CPED1: variants seen among roughly 807,000 people sequenced by gnomAD.
CPED1 encodes the protein cadherin-like and PC-esterase domain-containing protein 1.
In CPED1, 114 loss-of-function variants were observed where a neutral mutation model predicts 128.2. The ratio of observed to expected loss-of-function variants is 0.89; its 90% CI spans 0.76 to 1.04. The LOEUF is 1.04. Ranked by LOEUF, CPED1 falls within the 50% of genes least tolerant of loss-of-function variation. CPED1 has a pLI of 0.00. For missense variants in CPED1, 1,211 were observed against 1,207.1 expected (o/e 1.00, Z -0.05); for synonymous variants, 462 against 426.7 (o/e 1.08, Z -1.02).
chr7:121,137,121 G>A (rs1435949051), intron 14 of CPED1, among the ~76,000 whole-genome samples: 11 of 151,448 alleles, frequency 7.3e-5, no homozygotes, highest in Admixed American at 7.2e-4. Context: ...ATCAATTTCA[G>A]TAAAACAGTA....
intron 5 of CPED1, among the ~76,000 whole-genome samples, chr7:121,068,913 G>A (rs1793923282): frequency 6.6e-6 from 1 of 152,106 alleles, no homozygotes; most frequent in Non-Finnish European, 1.5e-5. Context: ...TTGGCTCTCT[G>A]TTTGTCTGTT....
chr7:121,248,303 G>A (rs984523765), intron 18 of CPED1, among the ~76,000 whole-genome samples: 14 of 152,234 alleles, frequency 9.2e-5, no homozygotes, highest in South Asian at 4.1e-4. Flanking sequence ...TCTCCTTGCC[G>A]GAGCCTCTGT....
chr7:121,196,612 TG>T (rs1797278536), intron 16 of CPED1, among the ~76,000 whole-genome samples: 1 of 152,072 alleles, frequency 6.6e-6, no homozygotes, highest in South Asian at 2.1e-4. Flanking sequence ...AATAGGAGTC[TG>T]GGGACATGTA....
rs1395030548 is a variant in CPED1, at chr7:121,071,620, A to C, written c.616+7307A>C. ...GGCCTTAAATTCCTGGGTTCAAATG[A>C]TCCTTCTGCCTCCACCTCCCAAGGG... On this transcript the variant is annotated intron_variant, in intron 5 of 22. Coordinates refer to ENST00000310396, the MANE Select transcript of CPED1 (RefSeq NM_024913.5). Among the ~76,000 whole-genome samples, 3 of 151,936 alleles carry C rather than the reference A, an allele frequency of 2.0e-5. No homozygotes were observed. The East Asian group carries it at 5.8e-4, about 29-fold the overall frequency.
intron 13 of CPED1, among the ~76,000 whole-genome samples, chr7:121,134,463 A>T (rs1584537618): frequency 6.6e-6 from 1 of 152,114 alleles, no homozygotes; most frequent in East Asian, 1.9e-4. Context: ...GGAGGGTAGG[A>T]AGGGAAGGAG....
Position 120,989,511 on chromosome 7 carries a change from G to C in CPED1, c.-111G>C. 1 of 1,406,932 alleles carries C rather than the reference G, an allele frequency of 7.1e-7. No individual in the cohort carries two copies. The highest frequency in any genetic ancestry group is 1.4e-5 in the South Asian group (1 of 73,694). 87.2% of individuals were successfully genotyped at this position (1,406,932 alleles called of 1,614,324 possible). The stretch of plus-strand genomic sequence containing the variant: ...TCTTAAGCAGGGATGAAGCAAACTT[G>C]ATTGGAGTTGGGGAAAAAGAAGACA... On this transcript the variant is annotated 5_prime_UTR_variant, in exon 2 of 23. It removes the in-frame stop codon of an upstream open reading frame in the 5' UTR. Transcript: ENST00000310396.
At chr7:121,227,422 A>C (rs1049155183) in intron 16 of CPED1, among the ~76,000 whole-genome samples, 9 of 152,106 alleles carry the variant, frequency 5.9e-5, no homozygotes, top group African/African-American at 2.2e-4. Flanking sequence ...TTTATACCAA[A>C]AACAGCCTTG....
intron 22 of CPED1, among the ~76,000 whole-genome samples, chr7:121,292,937 C>T (rs1483307550): frequency 1.3e-5 from 2 of 152,148 alleles, no homozygotes; most frequent in Non-Finnish European, 2.9e-5. Context: ...CAGAGCTCTC[C>T]TGTATGAGGT....
At chr7:121,148,309 G>A (rs1796073076) in intron 16 of CPED1, among the ~76,000 whole-genome samples, 1 of 152,192 alleles carries the variant, frequency 6.6e-6, no homozygotes, top group Admixed American at 6.5e-5. Flanking sequence ...CAGCAAAGCA[G>A]CAGCCGAGGT....
intron 7 of CPED1, among the ~76,000 whole-genome samples, chr7:121,122,466 A>T (rs1465480005): frequency 6.6e-6 from 1 of 152,066 alleles, no homozygotes; most frequent in Non-Finnish European, 1.5e-5. Context: ...ATAGAAAATA[A>T]AAGGAGCTGA....
At chr7:121,213,314 T>C (rs1277242627) in intron 16 of CPED1, among the ~76,000 whole-genome samples, 1 of 152,030 alleles carries the variant, frequency 6.6e-6, no homozygotes, top group Non-Finnish European at 1.5e-5. Context: ...TCCAAACCTT[T>C]GTTTCCTCAT....
intron 3 of CPED1, among the ~76,000 whole-genome samples, chr7:121,025,974 G>T (rs980096962): frequency 1.3e-5 from 2 of 152,100 alleles, no homozygotes; most frequent in Non-Finnish European, 2.9e-5. Flanking sequence ...TATCATTCTT[G>T]CCTGACATGT....
rs1030223751 is a variant in CPED1, at chr7:121,241,347, CAAAAAAAAAAAAAAAAAAAAAAAAA to C, written c.2174-2841_2174-2817del. ...TGGGCGACAGAGCGAGACTCCGTCT[CAAAAAAAAAAAAAAAAAAAAAAAAA>C]AAAAAAAAAAAAAGAAATTATAAAA... On this transcript the variant is annotated intron_variant, in intron 17 of 22. Transcript: ENST00000310396. Among the ~76,000 whole-genome samples, 4 of 5,556 alleles carry C rather than the reference CAAAAAAAAAAAAAAAAAAAAAAAAA, an allele frequency of 7.2e-4. 1 individual carries two copies. The highest frequency in any genetic ancestry group is 5.7e-4 in the Non-Finnish European group (1 of 1,752). 3.6% of individuals were successfully genotyped at this position (5,556 alleles called of 152,430 possible). A position where few individuals can be genotyped will look rare whatever the true frequency, so the allele number is the denominator to read the frequency against.
At chr7:121,129,392 G>A (rs1429701209) in intron 11 of CPED1, among the ~76,000 whole-genome samples, 1 of 146,908 alleles carries the variant, frequency 6.8e-6, no homozygotes, top group Non-Finnish European at 1.5e-5. Flanking sequence ...AACTTACTAA[G>A]TTAATTAATG....
At chr7:120,996,289 A>T (rs1796403765) in intron 2 of CPED1, among the ~76,000 whole-genome samples, 1 of 152,152 alleles carries the variant, frequency 6.6e-6, no homozygotes, top group African/African-American at 2.4e-5. Context: ...GTCTCAAAAA[A>T]AAAAGAAAAG....
chr7:121,011,228 A>AT (rs1320518702), intron 2 of CPED1, among the ~76,000 whole-genome samples: 1 of 151,996 alleles, frequency 6.6e-6, no homozygotes, highest in Non-Finnish European at 1.5e-5. Flanking sequence ...AACAAGTTTT[A>AT]TTTTTCAGCC....
intron 4 of CPED1, 76 bp from the exon 5 acceptor site, chr7:121,064,162 G>A: frequency 5.1e-6 from 5 of 971,248 alleles, no homozygotes; most frequent in East Asian, 2.4e-5. Context: ...TACTCTCTGG[G>A]TTTTTTGTGT....
intron 16 of CPED1, among the ~76,000 whole-genome samples, chr7:121,166,637 G>T (rs1002148758): frequency 1.3e-5 from 2 of 151,934 alleles, no homozygotes; most frequent in Admixed American, 6.6e-5. Flanking sequence ...AGTTCCCAAA[G>T]GATATTTATC....
intron 16 of CPED1, among the ~76,000 whole-genome samples, chr7:121,227,986 T>C (rs1798054034): frequency 6.6e-6 from 1 of 151,934 alleles, no homozygotes; most frequent in African/African-American, 2.4e-5. Flanking sequence ...TTAAGATTTG[T>C]CACAAAAATC....
Sources: allele counts gnomAD v4.1 joint callset (sites outside exome capture counted in the v4.1 genomes callset), GRCh38; gene constraint gnomAD v4.1.1; transcripts MANE v1.5; gene names NCBI Gene and HGNC (gene_info 2026-07-23, HGNC 2026-07-21).